Variants in TMEM108 observed in about 807,000 individuals in gnomAD.
TMEM108 encodes the protein transmembrane protein 108.
A neutral mutation model predicts 35.1 loss-of-function variants in TMEM108; 12 were observed. The ratio of observed to expected loss-of-function variants is 0.34; its 90% CI spans 0.22 to 0.55. The LOEUF is 0.55. TMEM108 is among the 20% of genes least tolerant of loss of function. The pLI, the probability that TMEM108 is intolerant of heterozygous loss-of-function variation, is 0.89. For synonymous variants in TMEM108, 287 were observed against 308.6 expected (o/e 0.93, Z 0.73); for missense variants, 680 against 753.3 (o/e 0.90, Z 1.14).
At chr3:133,299,966 A>G (rs751318651) in intron 3 of TMEM108, among the ~76,000 whole-genome samples, 39 of 152,218 alleles carry the variant, frequency 2.6e-4, no homozygotes, top group Non-Finnish European at 5.1e-4. Flanking sequence ...GTAAGAAGAA[A>G]TAGAAACAGC....
chr3:133,159,316 G>A (rs1412482295), intron 2 of TMEM108, among the ~76,000 whole-genome samples: 2 of 152,088 alleles, frequency 1.3e-5, no homozygotes, highest in East Asian at 3.8e-4. Flanking sequence ...AGTCTCCATG[G>A]CCCATTCCCC....
intron 3 of TMEM108, among the ~76,000 whole-genome samples, chr3:133,306,696 C>T (rs897456508): frequency 6.6e-6 from 1 of 152,142 alleles, no homozygotes; most frequent in African/African-American, 2.4e-5. Flanking sequence ...AGGACATGAA[C>T]TCATCCTTTT....
intron 3 of TMEM108, among the ~76,000 whole-genome samples, chr3:133,354,725 G>A (rs533089347): frequency 7.9e-5 from 12 of 152,094 alleles, no homozygotes; most frequent in African/African-American, 2.9e-4. Flanking sequence ...AGCTCAGAGA[G>A]GGGCATAAGG....
At chr3:133,345,347 A>C (rs2071784448) in intron 3 of TMEM108, among the ~76,000 whole-genome samples, 1 of 151,896 alleles carries the variant, frequency 6.6e-6, no homozygotes, top group Non-Finnish European at 1.5e-5. Context: ...TTACAGAAAA[A>C]TTATTTGATA....
At chr3:133,073,315 C>G (rs982189477) in intron 2 of TMEM108, among the ~76,000 whole-genome samples, 2 of 151,742 alleles carry the variant, frequency 1.3e-5, no homozygotes, top group Non-Finnish European at 2.9e-5. Flanking sequence ...CTGTTTTACT[C>G]TCTGCTTCTA....
chr3:133,051,037 T>C (rs1943398896), intron 2 of TMEM108, among the ~76,000 whole-genome samples: 2 of 151,512 alleles, frequency 1.3e-5, no homozygotes, highest in Non-Finnish European at 1.5e-5. Flanking sequence ...CCAAGGACCA[T>C]GATTGCTGCC....
intron 2 of TMEM108, among the ~76,000 whole-genome samples, chr3:133,116,371 T>A (rs76997940): frequency 0.031 from 4,668 of 152,292 alleles, 128 homozygotes; most frequent in South Asian, 0.064. Flanking sequence ...AGATCCTGTT[T>A]AGATATGTTA....
At chr3:133,101,003 T>TGACAA (rs59711689) in intron 2 of TMEM108, among the ~76,000 whole-genome samples, 2,274 of 152,322 alleles carry the variant, frequency 0.015, 51 homozygotes, top group African/African-American at 0.052. Context: ...CATTTCCTCA[T>TGACAA]TGTCACATAC....
chr3:133,294,448 C>T (rs919273586), intron 3 of TMEM108, among the ~76,000 whole-genome samples: 2 of 152,140 alleles, frequency 1.3e-5, no homozygotes, highest in African/African-American at 4.8e-5. Context: ...CTCATGATGA[C>T]TCATCTCAGG....
At chr3:133,260,085 A>G (rs2107674877) in intron 3 of TMEM108, among the ~76,000 whole-genome samples, 1 of 152,320 alleles carries the variant, frequency 6.6e-6, no homozygotes, top group African/African-American at 2.4e-5. Context: ...CCAGGTGTTA[A>G]GCGTCTTTGC....
intron 2 of TMEM108, among the ~76,000 whole-genome samples, chr3:133,060,160 G>A (rs1943519439): frequency 6.6e-6 from 1 of 152,164 alleles, no homozygotes. Flanking sequence ...CTTCCATCAG[G>A]TGGAGAGGAT....
At chr3:133,050,823 C>G (rs1943396061) in intron 2 of TMEM108, among the ~76,000 whole-genome samples, 2 of 151,770 alleles carry the variant, frequency 1.3e-5, no homozygotes, top group African/African-American at 4.8e-5. Flanking sequence ...TCCTCTATGT[C>G]TTTCATGGTT....
chr3:133,130,628 T>G (rs951099128), intron 2 of TMEM108, among the ~76,000 whole-genome samples: 2 of 152,216 alleles, frequency 1.3e-5, no homozygotes, highest in African/African-American at 4.8e-5. Context: ...CTATGTTCTA[T>G]TAAACTGAAG....
rs566063202 is a variant in TMEM108, at chr3:133,335,657, T to C, written c.41-44095T>C. On this transcript the variant is annotated intron_variant, in intron 3 of 5. Transcript: ENST00000321871. ...GAATGAGCAGAGCAAAATGATCAAA[T>C]AGAAGGCTCTATCAATTGTTCCCCC... Among the ~76,000 whole-genome samples, 6 of 152,288 alleles carry C rather than the reference T, an allele frequency of 3.9e-5. No individual in the cohort carries two copies. In the South Asian group the frequency reaches 6.2e-4, roughly 16 times the overall value.
chr3:133,254,680 C>G (rs1436967852), intron 3 of TMEM108, among the ~76,000 whole-genome samples: 2 of 152,188 alleles, frequency 1.3e-5, no homozygotes, highest in Non-Finnish European at 2.9e-5. Context: ...TTATCAGATA[C>G]TGAATATGAA....
chr3:133,128,358 A>G (rs754236518), intron 2 of TMEM108, among the ~76,000 whole-genome samples: 7 of 152,214 alleles, frequency 4.6e-5, no homozygotes, highest in Non-Finnish European at 1.0e-4. Context: ...CCTTAGCAAG[A>G]AAGTTAGCTT....
chr3:133,065,433 C>A (rs1943584720), intron 2 of TMEM108, among the ~76,000 whole-genome samples: 1 of 152,214 alleles, frequency 6.6e-6, no homozygotes. Flanking sequence ...TTAGTCTGAT[C>A]TCTCCACCTC....
chr3:133,059,768 T>C (rs1430755659), intron 2 of TMEM108, among the ~76,000 whole-genome samples: 1 of 152,236 alleles, frequency 6.6e-6, no homozygotes, highest in Non-Finnish European at 1.5e-5. Flanking sequence ...TTTGTTAAAG[T>C]TGTTCTGTTC....
At chr3:133,370,194 A>G (rs2072617968) in intron 3 of TMEM108, among the ~76,000 whole-genome samples, 1 of 135,778 alleles carries the variant, frequency 7.4e-6, no homozygotes. Context: ...CCAGGATGTC[A>G]TCTGGGATAC....
Sources: allele counts gnomAD v4.1 joint callset (sites outside exome capture counted in the v4.1 genomes callset), GRCh38; gene constraint gnomAD v4.1.1; transcripts MANE v1.5; gene names NCBI Gene and HGNC (gene_info 2026-07-23, HGNC 2026-07-21).